The following KLRG1 variants were observed in gnomAD, a reference collection of about 807,000 sequenced individuals.
The protein encoded by KLRG1 is killer cell lectin like receptor G1.
In KLRG1, 16 loss-of-function variants were observed where a neutral mutation model predicts 21.8. That is an observed-to-expected ratio of 0.73 (90% CI 0.50 to 1.11). The LOEUF (loss-of-function observed/expected upper bound fraction) is 1.11. Ranked by LOEUF, KLRG1 falls within the 50% of genes most tolerant of loss-of-function variation. The pLI is 0.00. For synonymous variants in KLRG1, 69 were observed against 75.9 expected (o/e 0.91, Z 0.47); for missense variants, 173 against 218.3 (o/e 0.79, Z 1.31).
At chr12:8,973,963 A>G (rs1348391834) in intron 1 of KLRG1, among the ~76,000 whole-genome samples, 2 of 151,908 alleles carry the variant, frequency 1.3e-5, no homozygotes, top group Non-Finnish European at 2.9e-5. Context: ...TTAGTTTTCT[A>G]TATATATAAT....
chr12:9,144,076 A>G, the KLRG1 span, among the ~76,000 whole-genome samples: 1 of 152,224 alleles, frequency 6.6e-6, no homozygotes, highest in African/African-American at 2.4e-5. Context: ...AGGGGAAGGC[A>G]GATCTTACCA....
At chr12:9,041,481 G>C in the KLRG1 span, among the ~76,000 whole-genome samples, 1 of 152,208 alleles carries the variant, frequency 6.6e-6, no homozygotes, top group African/African-American at 2.4e-5. Context: ...AAGAATTTGA[G>C]TCTATTTTTA....
the KLRG1 span, among the ~76,000 whole-genome samples, chr12:9,027,082 A>AAT: frequency 0.076 from 11,494 of 151,910 alleles, 622 homozygotes; most frequent in African/African-American, 0.15. Context: ...GTTGTTTTGA[A>AAT]ATATATATAT....
the KLRG1 span, among the ~76,000 whole-genome samples, chr12:9,020,641 G>T: frequency 6.6e-6 from 1 of 151,782 alleles, no homozygotes; most frequent in African/African-American, 2.4e-5. Context: ...TGGATTTACC[G>T]CAATTAATTT....
the KLRG1 span, among the ~76,000 whole-genome samples, chr12:9,178,905 TCA>T: frequency 0.011 from 1,706 of 152,278 alleles, 28 homozygotes; most frequent in African/African-American, 0.039. Flanking sequence ...TATAGTTATC[TCA>T]CAGTTTAAAA....
chr12:9,066,009 C>T, the KLRG1 span: 1 of 152,472 alleles, frequency 6.6e-6, no homozygotes, highest in Admixed American at 6.5e-5. Context: ...CGTTGGGACA[C>T]CCTTGCTGTG....
chr12:9,183,435 T>C, the KLRG1 span, among the ~76,000 whole-genome samples: 2 of 152,144 alleles, frequency 1.3e-5, no homozygotes, highest in African/African-American at 4.8e-5. Context: ...GGTCTTGCTC[T>C]GTTGCCCAGG....
At chr12:9,112,442 A>G in the KLRG1 span, 1 of 1,613,812 alleles carries the variant, frequency 6.2e-7, no homozygotes, top group Non-Finnish European at 8.5e-7. Flanking sequence ...CTCGTTCTTA[A>G]CCATCACTGT....
the KLRG1 span, chr12:9,104,369 A>G: frequency 6.3e-7 from 1 of 1,599,236 alleles, no homozygotes; most frequent in Non-Finnish European, 8.5e-7. Context: ...TTTATTTGGT[A>G]TAGGGACGCC....
chr12:9,165,013 A>C, the KLRG1 span: 1 of 1,154,338 alleles, frequency 8.7e-7, no homozygotes, highest in Non-Finnish European at 1.3e-6. Context: ...CATAGCACTA[A>C]TTATTCACAG....
chr12:9,202,286 C>G, the KLRG1 span: 1 of 1,583,228 alleles, frequency 6.3e-7, no homozygotes, highest in Non-Finnish European at 8.7e-7. Flanking sequence ...CCCACTCTAC[C>G]CACAACCCAA....
the KLRG1 span, chr12:9,200,361 C>A: frequency 6.3e-7 from 1 of 1,582,846 alleles, no homozygotes; most frequent in African/African-American, 1.4e-5. Context: ...CAATGTAACT[C>A]ACTCTCCACA....
At chr12:9,181,118 G>A in the KLRG1 span, 3 of 1,613,968 alleles carry the variant, frequency 1.9e-6, no homozygotes, top group African/African-American at 1.3e-5. Context: ...GTGCTGGGCT[G>A]AAGCTCAAAT....
At chr12:9,093,578 C>G in the KLRG1 span, 1 of 1,567,572 alleles carries the variant, frequency 6.4e-7, no homozygotes, top group Admixed American at 1.8e-5. Flanking sequence ...TTACATCTGA[C>G]TCTATGGTGA....
rs764357973 is a variant in KLRG1, at chr12:9,009,692, G to A, written c.*155G>A. ...GATGCAAGACAACCTCCTAGGGATT[G>A]ATGCCTAACTGATGGATTCTCTTTG... is the stretch of plus-strand genomic sequence containing the variant. On this transcript the variant is annotated 3_prime_UTR_variant, in exon 5 of 5. Coordinates refer to ENST00000356986, the MANE Select transcript of KLRG1 (RefSeq NM_005810.4). 1 of 1,430,090 alleles carries A rather than the reference G, an allele frequency of 7.0e-7. No homozygotes were observed. Among genetic ancestry groups the A allele is most frequent in the African/African-American group, 1.4e-5 (1 of 69,538 alleles). 88.6% of individuals were successfully genotyped at this position (1,430,090 alleles called of 1,614,324 possible).
chr12:9,087,765 A>G, the KLRG1 span, among the ~76,000 whole-genome samples: 1 of 152,242 alleles, frequency 6.6e-6, no homozygotes, highest in East Asian at 1.9e-4. Flanking sequence ...ACAATTATAA[A>G]TGGTCAGTTT....
chr12:9,144,581 T>C, the KLRG1 span, among the ~76,000 whole-genome samples: 1 of 152,042 alleles, frequency 6.6e-6, no homozygotes, highest in South Asian at 2.1e-4. Context: ...GACAGGTTTA[T>C]TTTGGAGAAT....
intron 4 of KLRG1, 91 bp from the exon 5 acceptor site, chr12:9,009,335 C>T: frequency 9.3e-6 from 14 of 1,508,098 alleles, no homozygotes; most frequent in Non-Finnish European, 1.2e-5. Flanking sequence ...AATAGGGAGA[C>T]AGAATTTGCT....
the KLRG1 span, among the ~76,000 whole-genome samples, chr12:9,081,191 A>G: frequency 1.3e-5 from 2 of 152,344 alleles, no homozygotes; most frequent in Middle Eastern, 3.4e-3. Context: ...AAAGACAAAT[A>G]GCCAAAGATT....
Sources: gnomAD v4.1 joint callset for allele counts (sites outside exome capture counted in the v4.1 genomes callset) on GRCh38, gnomAD v4.1.1 for gene constraint, MANE v1.5 for transcripts, NCBI Gene and HGNC (gene_info 2026-07-23, HGNC 2026-07-21) for gene names.